The following DMD variants were observed in gnomAD, a reference collection of about 807,000 sequenced individuals.
DMD encodes the protein dystrophin.
In DMD, 63 loss-of-function variants were observed where a neutral mutation model predicts 330.1. The observed-to-expected ratio is 0.19, with a 90% CI of 0.16 to 0.24. The LOEUF is 0.24. DMD is among the 10% of genes least tolerant of loss of function. The probability of loss-of-function intolerance (pLI) is 1.00; values close to 1 mark genes in which losing one functional copy is unlikely to be tolerated. For missense variants in DMD, 3,344 were observed against 2,684.1 expected (o/e 1.25, Z -5.43); for synonymous variants, 1,223 against 959.8 (o/e 1.27, Z -5.07).
intron 18 of DMD, among the ~76,000 whole-genome samples, chrX:32,511,115 A>G (rs767541910): frequency 1.8e-5 from 2 of 110,391 alleles, no homozygotes; most frequent in African/African-American, 6.6e-5. Flanking sequence ...TTCATCTTCA[A>G]TGAAATTTGG....
chrX:32,298,786 C>G (rs927646947), intron 42 of DMD, among the ~76,000 whole-genome samples: 5 of 110,632 alleles, frequency 4.5e-5, no homozygotes, highest in Non-Finnish European at 9.4e-5. Flanking sequence ...AGCATAGATT[C>G]ACTGCTGCTG....
chrX:32,796,512 G>T (rs1204265954), intron 7 of DMD, among the ~76,000 whole-genome samples: 2 of 111,223 alleles, frequency 1.8e-5, no homozygotes, highest in African/African-American at 6.5e-5. Context: ...ATATATAGTT[G>T]GAAGGTATAT....
chrX:32,560,785 C>T (rs1370190109), intron 16 of DMD, among the ~76,000 whole-genome samples: 1 of 112,215 alleles, frequency 8.9e-6, no homozygotes, highest in East Asian at 2.8e-4. Context: ...CTTTTTATGG[C>T]TGCATACTAT....
In DMD at chrX:31,214,937, C is replaced by CTTTTTTTTT. The variant is rs761569710; in HGVS notation, c.9362-5247_9362-5239dup. ...AAAGATACTTTTTTATTTCTTTTTT[C>CTTTTTTTTT]TTTTTTTTTTTTTTTTTTTTTTGAG... is the stretch of plus-strand genomic sequence containing the variant. On this transcript the variant is annotated intron_variant, in intron 64 of 78. Coordinates refer to ENST00000357033, the MANE Select transcript of DMD (RefSeq NM_004006.3). 3.5e-3 allele frequency among the ~76,000 whole-genome samples: 133 copies of CTTTTTTTTT among 38,075 alleles called. 4 individuals are homozygous for CTTTTTTTTT. Among genetic ancestry groups the CTTTTTTTTT allele is most frequent in the Non-Finnish European group, 3.9e-3 (90 of 23,165 alleles). The allele number at this position is 38,075 out of a possible 115,157, so 33.1% of individuals were successfully genotyped here. A position where few individuals can be genotyped will look rare whatever the true frequency, so the allele number is the denominator to read the frequency against.
chrX:31,587,534 T>C (rs1248588100), intron 55 of DMD, among the ~76,000 whole-genome samples: 5 of 112,378 alleles, frequency 4.4e-5, no homozygotes, highest in Non-Finnish European at 7.5e-5. Context: ...CTGTAATCAA[T>C]ACAAATAATT....
intron 62 of DMD, among the ~76,000 whole-genome samples, chrX:31,293,204 A>AGTGTGTGTGTGTGTGTGT (rs559104990): frequency 1.7e-5 from 1 of 58,482 alleles, no homozygotes; most frequent in Admixed American, 2.1e-4. Context: ...AGTCTGGTTT[A>AGTGTGTGTGTGTGTGTGT]GTGTGTGTGT....
chrX:32,872,419 C>CT (rs201816419), intron 2 of DMD, among the ~76,000 whole-genome samples: 1,173 of 111,804 alleles, frequency 0.01, 16 homozygotes, highest in African/African-American at 0.036. Context: ...CTTCTGTCCC[C>CT]TTTTTAAAAT....
At position 33,010,064 on chromosome X, in the gene DMD, A is replaced by T. The variant is rs747818920; in HGVS notation, c.93+10075T>A. On this transcript the variant is annotated intron_variant, in intron 2 of 78. Transcript: ENST00000357033. ...TACACATGTGTATATATACGTGTAT[A>T]TATACACAAATGTGCACATGTGTAT... is the stretch of plus-strand genomic sequence containing the variant. Among the ~76,000 whole-genome samples, 16 of 64,389 alleles carry T rather than the reference A, an allele frequency of 2.5e-4. 4 individuals are homozygous for T. Among genetic ancestry groups the T allele is most frequent in the African/African-American group, 7.7e-4 (14 of 18,175 alleles). The allele number at this position is 64,389 out of a possible 115,157, so 55.9% of individuals were successfully genotyped here.
intron 1 of DMD, among the ~76,000 whole-genome samples, chrX:33,122,884 C>T (rs1334839125): frequency 1.6e-4 from 18 of 111,950 alleles, no homozygotes; most frequent in Non-Finnish European, 3.0e-4. Flanking sequence ...GGAAAAACAT[C>T]AGTTTATTTC....
At chrX:32,311,207 C>T (rs766473766) in intron 41 of DMD, among the ~76,000 whole-genome samples, 1 of 111,361 alleles carries the variant, frequency 9.0e-6, no homozygotes, top group East Asian at 2.8e-4. Context: ...TGATCAACTG[C>T]CACCTGCCTG....
intron 9 of DMD, 127 bp downstream of exon 9, chrX:32,697,743 G>A: frequency 3.1e-6 from 3 of 967,791 alleles, no homozygotes; most frequent in Non-Finnish European, 4.3e-6. Context: ...AATAAAACTT[G>A]GAAAAACAAA....
At chrX:31,254,634 G>A (rs1266688979) in intron 63 of DMD, among the ~76,000 whole-genome samples, 1 of 111,849 alleles carries the variant, frequency 8.9e-6, no homozygotes, top group African/African-American at 3.2e-5. Context: ...AAAAGTGCTA[G>A]GATTACAAAT....
Position 32,929,055 on chromosome X carries a change from C to T in DMD, c.94-79235G>A, listed in dbSNP as rs745601083. Among the ~76,000 whole-genome samples, 38 of 111,074 alleles carry T rather than the reference C, an allele frequency of 3.4e-4. No homozygotes were observed. In the Middle Eastern group the frequency reaches 0.014, roughly 41 times the overall value. Reference sequence around the variant, plus strand: ...GAGAAAGGAATACAAAAATAAGCGACTTCAGGGATTTCAGATATAGGAGCC... The same window carrying T: ...GAGAAAGGAATACAAAAATAAGCGATTTCAGGGATTTCAGATATAGGAGCC... On this transcript the variant is annotated intron_variant, in intron 2 of 78. Coordinates refer to ENST00000357033, the MANE Select transcript of DMD (RefSeq NM_004006.3).
chrX:33,319,219 T>C lies in DMD; in HGVS notation c.7+20040A>G, dbSNP rs752772637. Among the ~76,000 whole-genome samples the C allele has an allele frequency of 5.4e-5, 6 of 111,029 alleles. No individual in the cohort carries two copies. In the East Asian group the frequency reaches 1.7e-3, roughly 31 times the overall value. On this transcript the variant is annotated intron_variant, in intron 1 of 17. Coordinates refer to the DMD transcript ENST00000288447. The stretch of plus-strand genomic sequence containing the variant: ...TCTCTGTTGTTTCTACGCCACCCAG[T>C]TTATTATTTTTTTAGTTTACGCCAC...
At chrX:32,107,176 G>T (rs887406538) in intron 44 of DMD, among the ~76,000 whole-genome samples, 7 of 110,820 alleles carry the variant, frequency 6.3e-5, no homozygotes, top group African/African-American at 2.3e-4. Context: ...AAATGGCTAT[G>T]AGTTGATCAT....
intron 54 of DMD, among the ~76,000 whole-genome samples, chrX:31,656,740 T>C (rs1008649593): frequency 1.8e-5 from 2 of 111,932 alleles, no homozygotes; most frequent in South Asian, 7.4e-4. Context: ...AAGTAGTTAC[T>C]ATGAGAATTT....
Position 31,121,477 on chromosome X carries a change from GTTTTTATAAACAACTTT to G in DMD, c.*425_*441del, listed in dbSNP as rs1412188477. 4 of 168,022 alleles carry G rather than the reference GTTTTTATAAACAACTTT, an allele frequency of 2.4e-5. No homozygotes were observed. The highest frequency in any genetic ancestry group is 4.4e-5 in the Non-Finnish European group (4 of 90,441). 13.8% of individuals were successfully genotyped at this position (168,022 alleles called of 1,213,427 possible). ...GTGTGTGTTTGTTTTGTTTTTAGGG[GTTTTTATAAACAACTTT>G]TTTTTATAAAGCACACTTTAGTTTA... On this transcript the variant is annotated 3_prime_UTR_variant, in exon 79 of 79. Transcript: ENST00000357033.
intron 1 of DMD, among the ~76,000 whole-genome samples, chrX:33,127,877 C>T (rs1389887638): frequency 9.0e-6 from 1 of 111,274 alleles, no homozygotes; most frequent in Non-Finnish European, 1.9e-5. Flanking sequence ...AAAGCCACAA[C>T]CCAAAAAGTA....
intron 2 of DMD, among the ~76,000 whole-genome samples, chrX:32,891,991 G>A (rs2085252710): frequency 9.0e-6 from 1 of 111,393 alleles, no homozygotes; most frequent in African/African-American, 3.3e-5. Context: ...CAGAAATGAA[G>A]GCCACAGAAC....
Sources: gnomAD v4.1 joint callset for allele counts (sites outside exome capture counted in the v4.1 genomes callset) on GRCh38, gnomAD v4.1.1 for gene constraint, MANE v1.5 for transcripts, NCBI Gene and HGNC (gene_info 2026-07-23, HGNC 2026-07-21) for gene names.